The following LINGO2 variants were observed in gnomAD, a reference collection of about 807,000 sequenced individuals.
The protein encoded by LINGO2 is leucine rich repeat and Ig domain containing 2, also known as leucine-rich repeat and immunoglobulin-like domain-containing nogo receptor-interacting protein 2.
In LINGO2, 14 loss-of-function variants were observed where a neutral mutation model predicts 30.6. That is an observed-to-expected ratio of 0.46 (90% CI 0.30 to 0.72). The LOEUF (loss-of-function observed/expected upper bound fraction) is 0.72, where lower values mean the gene tolerates loss of function less well. LINGO2 is among the 30% of genes least tolerant of loss of function. The probability of loss-of-function intolerance (pLI) is 0.07; values close to 1 mark genes in which losing one functional copy is unlikely to be tolerated. For synonymous variants in LINGO2, 317 were observed against 288.5 expected, an observed-to-expected ratio of 1.10 and a Z score of -1.00; for missense variants, 729 against 751.7, an observed-to-expected ratio of 0.97 and a Z score of 0.35.
the LINGO2 span, among the ~76,000 whole-genome samples, chr9:28,979,773 C>T: frequency 6.6e-6 from 1 of 152,076 alleles, no homozygotes; most frequent in Non-Finnish European, 1.5e-5. Flanking sequence ...TCCATTGAAT[C>T]GTGTGCTGGA....
chr9:28,167,148 C>A (rs942270407), intron 4 of LINGO2, among the ~76,000 whole-genome samples: 4 of 142,022 alleles, frequency 2.8e-5, no homozygotes, highest in South Asian at 2.6e-4. Context: ...CACCCCCCCC[C>A]CCCACTTTTC....
chr9:28,025,468 G>T (rs1411297363), intron 4 of LINGO2, among the ~76,000 whole-genome samples: 1 of 152,188 alleles, frequency 6.6e-6, no homozygotes, highest in East Asian at 1.9e-4. Flanking sequence ...GCTAAAAGAA[G>T]CCTGACTTAT....
chr9:28,572,517 C>T (rs935608115), intron 1 of LINGO2, among the ~76,000 whole-genome samples: 39 of 152,058 alleles, frequency 2.6e-4, no homozygotes, highest in East Asian at 1.9e-4. Context: ...AACAACAAGG[C>T]CGCTCTTCAT....
At chr9:28,246,284 C>T (rs775082898) in intron 4 of LINGO2, among the ~76,000 whole-genome samples, 1 of 151,938 alleles carries the variant, frequency 6.6e-6, no homozygotes, top group Non-Finnish European at 1.5e-5. Context: ...ATTAGCCGGG[C>T]ATGGTGGTGT....
chr9:28,946,318 A>C, the LINGO2 span, among the ~76,000 whole-genome samples: 3 of 152,276 alleles, frequency 2.0e-5, no homozygotes, highest in East Asian at 1.9e-4. Context: ...TTTTAAAAAA[A>C]CTTTTAAAAT....
At chr9:28,438,848 A>ATC (rs1219554790) in intron 2 of LINGO2, among the ~76,000 whole-genome samples, 1 of 146,344 alleles carries the variant, frequency 6.8e-6, no homozygotes, top group African/African-American at 2.5e-5. Flanking sequence ...ATATATATAT[A>ATC]TAATGAGATA....
chr9:28,562,974 G>A (rs1220866254), intron 1 of LINGO2, among the ~76,000 whole-genome samples: 2 of 152,026 alleles, frequency 1.3e-5, no homozygotes, highest in Non-Finnish European at 2.9e-5. Context: ...AGCCTCCCAA[G>A]TAGTGGGGAC....
At chr9:29,101,751 T>C in the LINGO2 span, among the ~76,000 whole-genome samples, 2 of 152,210 alleles carry the variant, frequency 1.3e-5, no homozygotes, top group Non-Finnish European at 2.9e-5. Flanking sequence ...GATCTCACTC[T>C]TTTTTATGGC....
At chr9:29,127,015 G>C in the LINGO2 span, among the ~76,000 whole-genome samples, 1 of 152,062 alleles carries the variant, frequency 6.6e-6, no homozygotes, top group Non-Finnish European at 1.5e-5. Flanking sequence ...CATTTGCATA[G>C]AGGTGTATTT....
At chr9:28,478,620 C>T (rs1163524838) in intron 1 of LINGO2, among the ~76,000 whole-genome samples, 1 of 151,996 alleles carries the variant, frequency 6.6e-6, no homozygotes, top group Non-Finnish European at 1.5e-5. Context: ...GTGTGTTTTC[C>T]ATGTGCAAAA....
chr9:28,189,645 GAGGGAGGAAGGA>G (rs1819727889), intron 4 of LINGO2, among the ~76,000 whole-genome samples: 1 of 3,320 alleles, frequency 3.0e-4, no homozygotes, highest in African/African-American at 1.2e-3. Flanking sequence ...GGAAGGAAGG[GAGGGAGGAAGGA>G]AGGAAGGAAG....
At chr9:28,486,616 T>G (rs1826174215) in intron 1 of LINGO2, among the ~76,000 whole-genome samples, 1 of 152,078 alleles carries the variant, frequency 6.6e-6, no homozygotes, top group African/African-American at 2.4e-5. Flanking sequence ...GATTTCCTTT[T>G]AAAAAGGTAT....
At chr9:28,370,270 T>A (rs1230129750) in intron 3 of LINGO2, among the ~76,000 whole-genome samples, 1 of 152,146 alleles carries the variant, frequency 6.6e-6, no homozygotes, top group Non-Finnish European at 1.5e-5. Context: ...ACCCTGCAAA[T>A]CATTAAACCC....
At chr9:28,345,474 A>T (rs1206212896) in intron 3 of LINGO2, among the ~76,000 whole-genome samples, 1 of 152,142 alleles carries the variant, frequency 6.6e-6, no homozygotes, top group Non-Finnish European at 1.5e-5. Flanking sequence ...AACCTATTGC[A>T]GCTTTATATC....
exon 6 of LINGO2, chr9:27,949,887 G>A: frequency 6.2e-7 from 1 of 1,614,054 alleles, no homozygotes; most frequent in Non-Finnish European, 8.5e-7. Context: ...GGGTACAGTA[G>A]ACAGATTGGT....
intron 4 of LINGO2, among the ~76,000 whole-genome samples, chr9:28,089,586 G>T (rs1826014755): frequency 6.6e-6 from 1 of 152,132 alleles, no homozygotes; most frequent in Non-Finnish European, 1.5e-5. Flanking sequence ...GAAATTTATA[G>T]CACTAAAGGC....
chr9:28,111,049 T>C (rs140260643), intron 4 of LINGO2, among the ~76,000 whole-genome samples: 2,826 of 152,270 alleles, frequency 0.019, 43 homozygotes, highest in Non-Finnish European at 0.024. Flanking sequence ...TGGAATACTA[T>C]GGAGCCATAA....
At chr9:29,109,610 T>C in the LINGO2 span, among the ~76,000 whole-genome samples, 1 of 152,170 alleles carries the variant, frequency 6.6e-6, no homozygotes, top group African/African-American at 2.4e-5. Flanking sequence ...ATTCTGACTT[T>C]CATACTGTAC....
chr9:28,699,664 A>C, the LINGO2 span, among the ~76,000 whole-genome samples: 1 of 152,010 alleles, frequency 6.6e-6, no homozygotes, highest in Non-Finnish European at 1.5e-5. Context: ...AGAGCGTATA[A>C]ATGGATGTGC....
Sources: gnomAD v4.1 joint callset for allele counts (sites outside exome capture counted in the v4.1 genomes callset) on GRCh38, gnomAD v4.1.1 for gene constraint, MANE v1.5 for transcripts, NCBI Gene and HGNC (gene_info 2026-07-23, HGNC 2026-07-21) for gene names.